Variants in FDPS observed in about 807,000 individuals in gnomAD.
FDPS encodes the protein farnesyl diphosphate synthase, also known as farnesyl pyrophosphate synthase.
A neutral mutation model predicts 49.5 loss-of-function variants in FDPS; 29 were observed. The observed-to-expected ratio is 0.59, with a 90% CI of 0.44 to 0.80. The LOEUF is 0.80. FDPS is among the 30% of genes least tolerant of loss of function. FDPS has a pLI of 0.00. For synonymous variants in FDPS, 172 were observed against 206.4 expected, an observed-to-expected ratio of 0.83 and a Z score of 1.43; for missense variants, 414 against 525.6, an observed-to-expected ratio of 0.79 and a Z score of 2.08.
intron 4 of FDPS, chr1:155,317,411 A>T (rs551071698): frequency 1.9e-5 from 3 of 154,294 alleles, no homozygotes; most frequent in Non-Finnish European, 1.4e-5. Context: ...AACCTAAAAC[A>T]AGAGTGTTTT....
chr1:155,318,054 G>A lies in FDPS; in HGVS notation c.561+33G>A, dbSNP rs1202625927. The A allele has an allele frequency of 2.5e-6, 4 of 1,612,346 alleles. No homozygotes were observed. Among genetic ancestry groups the A allele is most frequent in the African/African-American group, 2.7e-5 (2 of 74,900 alleles). ...GGGCAGGAAAATAGCAGTGGGTATG[G>A]GGACAGGCCACAGGGAGGTGGTTAT... On this transcript the variant is annotated intron_variant, in intron 5 of 10. Coordinates refer to ENST00000368356, the MANE Select transcript of FDPS (RefSeq NM_002004.4). This position sits in a 1 kb window ranked among gnomAD's most constrained non-coding sequence, Gnocchi z 4.2.
Position 155,312,424 on chromosome 1 carries a change from G to A in FDPS, c.480+29G>A, listed in dbSNP as rs141763891. 8.2e-6 allele frequency: 13 copies of A among 1,586,032 alleles called. No homozygotes were observed. In the East Asian group the frequency reaches 2.8e-4, roughly 34 times the overall value. Reference sequence around the variant, plus strand: ...AGAGGGGTAGGGCAAGGGAGAAGAAGTTTCCTGCAATGGTGGTGACTTGGG... The same window carrying A: ...AGAGGGGTAGGGCAAGGGAGAAGAAATTTCCTGCAATGGTGGTGACTTGGG... On this transcript the variant is annotated intron_variant, in intron 4 of 10. Transcript: ENST00000368356.
At position 155,318,603 on chromosome 1, in the gene FDPS, G is replaced by C; in HGVS notation, c.685-62G>C. 7.8e-7 allele frequency: 1 copy of C among 1,285,340 alleles called. No homozygotes were observed. The highest frequency in any genetic ancestry group is 1.2e-5 in the South Asian group (1 of 83,796). 79.6% of individuals were successfully genotyped at this position (1,285,340 alleles called of 1,614,324 possible). On this transcript the variant is annotated intron_variant, in intron 6 of 10. Transcript: ENST00000368356. The surrounding 1 kb of genome is among the most constrained non-coding windows in gnomAD (Gnocchi z 4.2). ...AGCTGGTATGGGATGTTGGGCTTGG[G>C]ATACCAGGGTTTCGCATATCTGGAG...
intron 4 of FDPS, among the ~76,000 whole-genome samples, chr1:155,314,200 T>C (rs927983289): frequency 1.9e-4 from 29 of 151,212 alleles, no homozygotes. Context: ...TTTTTTTTTT[T>C]TTTGATACAG....
Position 155,319,700 on chromosome 1 carries a change from G to C in FDPS, c.924+12G>C, listed in dbSNP as rs539881168. 79 of 1,614,120 alleles carry C rather than the reference G, an allele frequency of 4.9e-5. No individual in the cohort carries two copies. In the South Asian group the frequency reaches 8.0e-4, roughly 16 times the overall value. On this transcript the variant is annotated intron_variant, in intron 9 of 10. Transcript: ENST00000368356. The stretch of plus-strand genomic sequence containing the variant: ...TCTTTCAGATTCAGGTAAGAAGGCA[G>C]GAGGCAGTAGCAGAGAACAGGCACC...
chr1:155,318,121 G>A lies in FDPS; in HGVS notation c.562-48G>A, dbSNP rs530418099. On this transcript the variant is annotated intron_variant, in intron 5 of 10. Transcript: ENST00000368356. This position sits in a 1 kb window ranked among gnomAD's most constrained non-coding sequence, Gnocchi z 4.2. ...GTGTTGGGGTGATGGCTCTTAGTATGAACCGAGACTAGAGATTGATTGCTT... is the reference window on the plus strand; with the variant it reads ...GTGTTGGGGTGATGGCTCTTAGTATAAACCGAGACTAGAGATTGATTGCTT... 1 of 1,613,954 alleles carries A rather than the reference G, an allele frequency of 6.2e-7. No homozygotes were observed. The highest frequency in any genetic ancestry group is 1.1e-5 in the South Asian group (1 of 91,028).
intron 10 of FDPS, 89 bp downstream of exon 10, chr1:155,320,017 ACATTTGGCAATGT>A: frequency 6.8e-7 from 1 of 1,469,490 alleles, no homozygotes; most frequent in Non-Finnish European, 9.4e-7. Context: ...TCCCGAGGGG[ACATTTGGCAATGT>A]CAGCAGACAT....
chr1:155,318,349 T>C lies in FDPS; in HGVS notation c.684+58T>C, dbSNP rs1649743372. 3.8e-6 allele frequency: 6 copies of C among 1,594,786 alleles called. No individual in the cohort carries two copies. The South Asian group carries it at 6.6e-5, about 18-fold the overall frequency. ...GTGCCCATGGTAGCCTTGGCCTCTA[T>C]AGGACATGCTCATCTAGCTGGTTTC... On this transcript the variant is annotated intron_variant, in intron 6 of 10. Coordinates refer to ENST00000368356, the MANE Select transcript of FDPS (RefSeq NM_002004.4). This position sits in a 1 kb window ranked among gnomAD's most constrained non-coding sequence, Gnocchi z 4.2.
At position 155,312,402 on chromosome 1, in the gene FDPS, G is replaced by A. The variant is rs1430011140; in HGVS notation, c.480+7G>A. The A allele has an allele frequency of 1.2e-6, 2 of 1,613,550 alleles. No homozygotes were observed. The highest frequency in any genetic ancestry group is 3.3e-5 in the Admixed American group (2 of 60,000). On this transcript the variant is annotated splice_region_variant and intron_variant, in intron 4 of 10. Transcript: ENST00000368356. Reference sequence around the variant, plus strand: ...GGGCTGGTGTGTGGAACTGGTGAGAGGGGTAGGGCAAGGGAGAAGAAGTTT... The same window carrying A: ...GGGCTGGTGTGTGGAACTGGTGAGAAGGGTAGGGCAAGGGAGAAGAAGTTT...
rs146838588 is a variant in FDPS, at chr1:155,314,586, C to T, written c.480+2191C>T. On this transcript the variant is annotated intron_variant, in intron 4 of 10. Transcript: ENST00000368356. ...ACCTCCTGGGCTCAAGCGATCCTTC[C>T]ACCTCAGCCTCCCAAGTAGCTGAGA... 3.3e-3 allele frequency among the ~76,000 whole-genome samples: 498 copies of T among 151,994 alleles called. 3 individuals are homozygous for T. The highest frequency in any genetic ancestry group is 0.012 in the African/African-American group (481 of 41,458).
intron 3 of FDPS, among the ~76,000 whole-genome samples, chr1:155,310,916 G>C (rs1433976336): frequency 6.6e-6 from 1 of 152,104 alleles, no homozygotes; most frequent in Non-Finnish European, 1.5e-5. Flanking sequence ...CTATTGCTGT[G>C]ATACTTGCCA....
chr1:155,320,417 C>T lies in FDPS; in HGVS notation c.1068C>T (p.Tyr356=), dbSNP rs1650223488. ...PEQYQILKEN[Y]GQKEAEKVAR... ...CTTTCAACCTCTTCCAGGAAAATTACGGGCAGAAGGAGGCTGAGAAAGTGG... is the reference window on the plus strand; with the variant it reads ...CTTTCAACCTCTTCCAGGAAAATTATGGGCAGAAGGAGGCTGAGAAAGTGG... Residue 356 remains tyrosine, a synonymous_variant, in exon 11 of 11, where the codon TAC becomes TAT. Transcript: ENST00000368356. 4.3e-6 allele frequency: 7 copies of T among 1,612,870 alleles called. No individual in the cohort carries two copies. The highest frequency in any genetic ancestry group is 3.3e-5 in the South Asian group (3 of 90,938).
At chr1:155,319,564 T>G (rs1178734043) in intron 8 of FDPS, 47 bp from the exon 9 acceptor site, 5 of 1,602,178 alleles carry the variant, frequency 3.1e-6, no homozygotes, top group Non-Finnish European at 4.3e-6. Context: ...GCCAGGAAGA[T>G]GCCGGCACCC....
chr1:155,320,197 C>T, intron 10 of FDPS: 1 of 644,716 alleles, frequency 1.6e-6, no homozygotes, highest in East Asian at 2.7e-5. Flanking sequence ...GTGGAGAAAC[C>T]CTGGAGTAGA....
In FDPS at chr1:155,320,402, C is replaced by T; in HGVS notation, c.1060-7C>T. On this transcript the variant is annotated splice_polypyrimidine_tract_variant and splice_region_variant and intron_variant, in intron 10 of 10. Transcript: ENST00000368356. ...AGCCCGTTTTCCTGTCTTTCAACCT[C>T]TTCCAGGAAAATTACGGGCAGAAGG... 6.2e-7 allele frequency: 1 copy of T among 1,611,694 alleles called. No homozygotes were observed. The highest frequency in any genetic ancestry group is 1.1e-5 in the South Asian group (1 of 90,762).
At chr1:155,320,225 C>T (rs1650178946) in intron 10 of FDPS, 184 bp from the exon 11 acceptor site, 1 of 657,034 alleles carries the variant, frequency 1.5e-6, no homozygotes, top group Admixed American at 2.9e-5. Flanking sequence ...TGGTATGAGG[C>T]AATATTTGGG....
intron 4 of FDPS, 73 bp downstream of exon 4, chr1:155,312,468 GC>G: frequency 6.8e-7 from 1 of 1,475,272 alleles, no homozygotes; most frequent in East Asian, 2.3e-5. Context: ...GGAGGGATGG[GC>G]CTGAAACTTA....
At position 155,320,624 on chromosome 1, in the gene FDPS, G is replaced by A. The variant is rs757608855; in HGVS notation, c.*15G>A. The A allele has an allele frequency of 6.2e-7, 1 of 1,613,732 alleles. No individual in the cohort carries two copies. Among genetic ancestry groups the A allele is most frequent in the Non-Finnish European group, 8.5e-7 (1 of 1,179,628 alleles). ...GGAGAAAGTGACCTAGAGATTGCAA[G>A]GGCGGGGAGAGGAGGCTCTCAATAA... On this transcript the variant is annotated 3_prime_UTR_variant, in exon 11 of 11. Transcript: ENST00000368356.
At chr1:155,310,742 G>T (rs565371488) in intron 3 of FDPS, among the ~76,000 whole-genome samples, 2 of 152,294 alleles carry the variant, frequency 1.3e-5, no homozygotes, top group South Asian at 4.1e-4. Context: ...CTTTGCTTTG[G>T]GGGTGGAGGC....
Sources: allele counts gnomAD v4.1 joint callset (sites outside exome capture counted in the v4.1 genomes callset), GRCh38; gene constraint gnomAD v4.1.1; non-coding constraint Gnocchi (gnomAD v3.1); transcripts MANE v1.5; gene names NCBI Gene and HGNC (gene_info 2026-07-23, HGNC 2026-07-21).